The following DCBLD2 variants were observed in gnomAD, a reference collection of about 807,000 sequenced individuals.
The protein encoded by DCBLD2 is discoidin, CUB and LCCL domain containing 2.
Under a neutral mutation model 86.8 loss-of-function variants are expected in DCBLD2, and 54 were observed. The ratio of observed to expected loss-of-function variants is 0.62; its 90% CI spans 0.50 to 0.78. The LOEUF (loss-of-function observed/expected upper bound fraction) is 0.78. Among genes scored for constraint, DCBLD2 ranks in the 30% least tolerant of loss-of-function variants. DCBLD2 has a pLI of 0.00. For missense variants in DCBLD2, 908 were observed against 954.2 expected, an observed-to-expected ratio of 0.95 and a Z score of 0.64; for synonymous variants, 354 against 341.3, an observed-to-expected ratio of 1.04 and a Z score of -0.41.
chr3:98,867,475 A>T (rs1354873954), intron 2 of DCBLD2, among the ~76,000 whole-genome samples: 1 of 152,186 alleles, frequency 6.6e-6, no homozygotes, highest in Non-Finnish European at 1.5e-5. Context: ...TTTTCATGTC[A>T]CTTAAAAAAT....
At position 98,867,957 on chromosome 3, in the gene DCBLD2, C is replaced by T. The variant is rs143106534; in HGVS notation, c.433+13583G>A. Among the ~76,000 whole-genome samples the T allele has an allele frequency of 2.5e-3, 381 of 152,158 alleles. 7 individuals carry two copies. Among genetic ancestry groups the T allele is most frequent in the African/African-American group, 8.9e-3 (370 of 41,524 alleles). On this transcript the variant is annotated intron_variant, in intron 2 of 15. Transcript: ENST00000326840. Reference sequence around the variant, plus strand: ...AGCTGGGACTACAGGTGCCTGCCACCGCGCCCGGCTACTTTTTTTGTATTT... The same window carrying T: ...AGCTGGGACTACAGGTGCCTGCCACTGCGCCCGGCTACTTTTTTTGTATTT...
intron 3 of DCBLD2, among the ~76,000 whole-genome samples, chr3:98,838,041 G>C (rs1942511181): frequency 1.7e-5 from 2 of 119,588 alleles, no homozygotes; most frequent in Non-Finnish European, 3.7e-5. Flanking sequence ...TGGCCGGGCG[G>C]GGGGCTGACC....
At chr3:98,883,876 TGTA>T (rs958364895) in intron 1 of DCBLD2, among the ~76,000 whole-genome samples, 5 of 152,164 alleles carry the variant, frequency 3.3e-5, no homozygotes, top group African/African-American at 1.2e-4. Context: ...TAAGAACAAA[TGTA>T]GTGCTAATAT....
chr3:98,812,930 C>T (rs957757134), intron 9 of DCBLD2: 2 of 153,032 alleles, frequency 1.3e-5, no homozygotes, highest in African/African-American at 4.8e-5. Context: ...CATAATTTTT[C>T]TCTCAACAGG....
At chr3:98,864,954 A>G (rs1943117077) in intron 2 of DCBLD2, among the ~76,000 whole-genome samples, 1 of 152,198 alleles carries the variant, frequency 6.6e-6, no homozygotes, top group South Asian at 2.1e-4. Context: ...TACTATCAAA[A>G]AGACAAAAGT....
chr3:98,883,615 A>C (rs1301138054), intron 1 of DCBLD2, among the ~76,000 whole-genome samples: 1 of 152,194 alleles, frequency 6.6e-6, no homozygotes, highest in African/African-American at 2.4e-5. Flanking sequence ...TAGGAGTTTC[A>C]GCAGCTGCTC....
intron 1 of DCBLD2, among the ~76,000 whole-genome samples, chr3:98,893,603 T>C (rs903880295): frequency 1.6e-4 from 24 of 152,088 alleles, no homozygotes; most frequent in Admixed American, 5.2e-4. Context: ...ACAGCACAAA[T>C]GTAGATTACC....
chr3:98,831,255 TCAGC>T lies in DCBLD2; in HGVS notation c.572-5893_572-5890del, dbSNP rs1461762609. On this transcript the variant is annotated intron_variant, in intron 3 of 15. Transcript: ENST00000326840. ...TTAGTAGAGACGAGGTTTCATCATG[TCAGC>T]CAGGCTCATTACCAACTCCTGACCT... is the stretch of plus-strand genomic sequence containing the variant. Among the ~76,000 whole-genome samples, 79 of 151,566 alleles carry T rather than the reference TCAGC, an allele frequency of 5.2e-4. 3 individuals are homozygous for T. Among genetic ancestry groups the T allele is most frequent in the Non-Finnish European group, 1.0e-4 (7 of 67,938 alleles).
At chr3:98,868,314 T>C (rs1335060769) in intron 2 of DCBLD2, among the ~76,000 whole-genome samples, 1 of 152,162 alleles carries the variant, frequency 6.6e-6, no homozygotes, top group Non-Finnish European at 1.5e-5. Flanking sequence ...ATTTATTATA[T>C]TTAATTATAG....
At chr3:98,900,797 G>A (rs151274365) in intron 1 of DCBLD2, 3 of 392,218 alleles carry the variant, frequency 7.6e-6, no homozygotes, top group Non-Finnish European at 1.4e-5. Context: ...CTTAACTTTA[G>A]GGGTCATTAC....
chr3:98,862,830 T>G (rs1943070237), intron 2 of DCBLD2, among the ~76,000 whole-genome samples: 1 of 152,192 alleles, frequency 6.6e-6, no homozygotes, highest in South Asian at 2.1e-4. Context: ...ATGCCCTCTC[T>G]CACTACTCCT....
At chr3:98,837,784 T>C (rs1428986896) in intron 3 of DCBLD2, among the ~76,000 whole-genome samples, 7 of 101,806 alleles carry the variant, frequency 6.9e-5, no homozygotes, top group Admixed American at 1.8e-4. Context: ...GAGGCGCCCC[T>C]CACCTCCCAG....
intron 2 of DCBLD2, among the ~76,000 whole-genome samples, chr3:98,862,587 T>C (rs978847607): frequency 1.1e-4 from 17 of 152,082 alleles, no homozygotes; most frequent in South Asian, 2.1e-4. Context: ...ATAAACGTAA[T>C]CCAGCATATA....
At chr3:98,849,247 C>G in intron 3 of DCBLD2, 1 of 553,642 alleles carries the variant, frequency 1.8e-6, no homozygotes, top group Non-Finnish European at 3.2e-6. Flanking sequence ...GCAGTATTTC[C>G]TTTACTAAGG....
chr3:98,807,140 A>C (rs1482135800), intron 13 of DCBLD2, among the ~76,000 whole-genome samples: 2 of 152,136 alleles, frequency 1.3e-5, no homozygotes, highest in African/African-American at 2.4e-5. Flanking sequence ...GCCCAGACTG[A>C]ACCTCTATGG....
At chr3:98,817,288 AG>A (rs1167845791) in intron 9 of DCBLD2, among the ~76,000 whole-genome samples, 1 of 152,250 alleles carries the variant, frequency 6.6e-6, no homozygotes, top group East Asian at 1.9e-4. Context: ...AAGAAAAAAC[AG>A]AAGTTTCCCA....
At chr3:98,838,431 CCCA>C (rs1411752064) in intron 3 of DCBLD2, among the ~76,000 whole-genome samples, 1 of 128,058 alleles carries the variant, frequency 7.8e-6, no homozygotes, top group Non-Finnish European at 1.7e-5. Flanking sequence ...AGAGGCGCTC[CCCA>C]CATCTCAGAC....
chr3:98,874,111 C>T (rs1280338556), intron 2 of DCBLD2, among the ~76,000 whole-genome samples: 1 of 152,132 alleles, frequency 6.6e-6, no homozygotes, highest in Non-Finnish European at 1.5e-5. Context: ...AGGAAGCATC[C>T]TATCAAAAAC....
At chr3:98,810,863 C>T (rs188602457) in intron 12 of DCBLD2, among the ~76,000 whole-genome samples, 9 of 152,138 alleles carry the variant, frequency 5.9e-5, no homozygotes, top group Non-Finnish European at 1.0e-4. Context: ...AAGTTTGTTT[C>T]CTGCTATGAT....
Sources: allele counts gnomAD v4.1 joint callset (sites outside exome capture counted in the v4.1 genomes callset), GRCh38; gene constraint gnomAD v4.1.1; transcripts MANE v1.5; gene names NCBI Gene and HGNC (gene_info 2026-07-23, HGNC 2026-07-21).